The following WDR7 variants were observed in gnomAD, a reference collection of about 807,000 sequenced individuals.
The protein encoded by WDR7 is WD repeat-containing protein 7.
In WDR7, 46 loss-of-function variants were observed where a neutral mutation model predicts 169.4. The ratio of observed to expected loss-of-function variants is 0.27; its 90% confidence interval spans 0.21 to 0.35. The LOEUF (loss-of-function observed/expected upper bound fraction) is 0.35. Ranked by LOEUF, WDR7 falls within the 10% of genes least tolerant of loss-of-function variation. The pLI, the probability that WDR7 is intolerant of heterozygous loss-of-function variation, is 1.00. For missense variants in WDR7, 1,534 were observed against 1,859.3 expected, an observed-to-expected ratio of 0.83 and a Z score of 3.22; for synonymous variants, 612 against 666.8, an observed-to-expected ratio of 0.92 and a Z score of 1.27.
At chr18:56,974,846 C>A (rs926134852) in intron 26 of WDR7, among the ~76,000 whole-genome samples, 1 of 152,094 alleles carries the variant, frequency 6.6e-6, no homozygotes, top group African/African-American at 2.4e-5. Context: ...CAAATAAGTA[C>A]AATAAAGCTT....
At chr18:56,792,628 T>G (rs1157374113) in intron 19 of WDR7, among the ~76,000 whole-genome samples, 3 of 149,294 alleles carry the variant, frequency 2.0e-5, no homozygotes, top group African/African-American at 7.5e-5. Context: ...TTTTTTTTTT[T>G]GAAAAATGTT....
chr18:56,694,345 T>C (rs1416318525), intron 9 of WDR7, among the ~76,000 whole-genome samples: 1 of 152,168 alleles, frequency 6.6e-6, no homozygotes, highest in Non-Finnish European at 1.5e-5. Context: ...TATAAAGTGG[T>C]GAAAAGTAGC....
In WDR7 at chr18:56,782,836, TTTTCTTAAGC is replaced by T. The variant is rs575205351; in HGVS notation, c.3190+1188_3190+1197del. Among the ~76,000 whole-genome samples, 413 of 152,304 alleles carry T rather than the reference TTTTCTTAAGC, an allele frequency of 2.7e-3. 1 individual carries two copies. The highest frequency in any genetic ancestry group is 9.4e-3 in the African/African-American group (391 of 41,576). ...TAATCAAGCATGTGACCTTGGGCAC[TTTTCTTAAGC>T]TTTCTTAGTCTCAGTTTTATCGCAG... On this transcript the variant is annotated intron_variant, in intron 19 of 27. Transcript: ENST00000254442.
At chr18:56,828,326 A>G (rs2045247121) in intron 20 of WDR7, among the ~76,000 whole-genome samples, 2 of 152,200 alleles carry the variant, frequency 1.3e-5, no homozygotes, top group African/African-American at 2.4e-5. Flanking sequence ...TTATTTGACG[A>G]AACAGACATA....
intron 19 of WDR7, among the ~76,000 whole-genome samples, chr18:56,799,400 G>A (rs1402340330): frequency 6.7e-6 from 1 of 149,634 alleles, no homozygotes; most frequent in African/African-American, 2.5e-5. Flanking sequence ...CATATTTGTG[G>A]CTTTTATATC....
intron 7 of WDR7, among the ~76,000 whole-genome samples, chr18:56,690,037 T>G (rs2025531119): frequency 6.6e-6 from 1 of 152,186 alleles, no homozygotes; most frequent in Non-Finnish European, 1.5e-5. Flanking sequence ...TCTGATCTAT[T>G]GAGGAATGAG....
chr18:56,726,873 A>G (rs12605132), intron 13 of WDR7, among the ~76,000 whole-genome samples: 13,590 of 152,056 alleles, frequency 0.089, 1,073 homozygotes, highest in East Asian at 0.38. Flanking sequence ...AGTCCTGGGT[A>G]CTGTACCCTG....
At chr18:56,779,075 A>G (rs1035784248) in intron 17 of WDR7, among the ~76,000 whole-genome samples, 56 of 152,192 alleles carry the variant, frequency 3.7e-4, no homozygotes, top group African/African-American at 1.4e-3. Context: ...TTTCAAATCT[A>G]TAGCTCTAGT....
chr18:56,651,997 G>A (rs1363052296), intron 1 of WDR7, among the ~76,000 whole-genome samples: 2 of 152,166 alleles, frequency 1.3e-5, no homozygotes, highest in African/African-American at 2.4e-5. Flanking sequence ...CCATGCCCAA[G>A]GTACTGACAC....
At chr18:56,848,870 A>C (rs544088450) in intron 20 of WDR7, among the ~76,000 whole-genome samples, 1 of 152,292 alleles carries the variant, frequency 6.6e-6, no homozygotes, top group Non-Finnish European at 1.5e-5. Context: ...TACAGCTTGC[A>C]ATACTGTGAG....
chr18:56,962,361 C>A, intron 25 of WDR7, 69 bp from the exon 26 acceptor site: 1 of 1,232,462 alleles, frequency 8.1e-7, no homozygotes. Flanking sequence ...TGTTGCTGTC[C>A]ACTTCCAAGT....
chr18:57,020,552 G>A (rs956918474), intron 26 of WDR7, among the ~76,000 whole-genome samples, 193 bp from the exon 27 acceptor site: 2 of 152,194 alleles, frequency 1.3e-5, no homozygotes, highest in Non-Finnish European at 2.9e-5. Context: ...CAAGATTGAA[G>A]CCCTTGGAGA....
chr18:56,714,985 A>G (rs939910688), intron 12 of WDR7, among the ~76,000 whole-genome samples: 2 of 152,076 alleles, frequency 1.3e-5, no homozygotes, highest in African/African-American at 2.4e-5. Flanking sequence ...TTTTTACTAC[A>G]TGAGAGTAAT....
intron 16 of WDR7, among the ~76,000 whole-genome samples, chr18:56,776,554 T>C (rs2044245098): frequency 1.3e-5 from 2 of 152,226 alleles, no homozygotes; most frequent in South Asian, 4.1e-4. Context: ...TATTAGATTT[T>C]GACTCTAAGA....
intron 2 of WDR7, among the ~76,000 whole-genome samples, chr18:56,673,867 C>G (rs1407064324): frequency 6.6e-6 from 1 of 151,764 alleles, no homozygotes; most frequent in African/African-American, 2.4e-5. Context: ...CTCCCTAGAC[C>G]ACCACTAATC....
In WDR7 at chr18:56,880,148, C is replaced by T; in HGVS notation, c.3509C>T (p.Ser1170Leu). 2.5e-6 allele frequency: 4 copies of T among 1,613,832 alleles called. No individual in the cohort carries two copies. Among genetic ancestry groups the T allele is most frequent in the Non-Finnish European group, 2.5e-6 (3 of 1,179,894 alleles). ...TTGACTAGTGGTGGATCCAACTACT[C>T]GCTGGCCAGACATACTTGTAAGTTT... is the stretch of plus-strand genomic sequence containing the variant. Reference protein sequence around the residue: ...FGLTSGGSNYSLARHTCKALT... With the variant: ...FGLTSGGSNYLLARHTCKALT... Residue 1170 changes from serine (S) to leucine (L), a missense_variant, in exon 21 of 28, where the codon TCG becomes TTG. Coordinates refer to ENST00000254442, the MANE Select transcript of WDR7 (RefSeq NM_015285.3).
intron 20 of WDR7, among the ~76,000 whole-genome samples, chr18:56,862,842 T>C (rs1568236375): frequency 6.6e-6 from 1 of 151,898 alleles, no homozygotes; most frequent in Non-Finnish European, 1.5e-5. Context: ...TTTACCTGCC[T>C]TCCAATTGAT....
At chr18:56,960,875 C>A (rs562628624) in intron 25 of WDR7, among the ~76,000 whole-genome samples, 1 of 152,062 alleles carries the variant, frequency 6.6e-6, no homozygotes, top group African/African-American at 2.4e-5. Flanking sequence ...CTTTCTATAT[C>A]CTTCCTTCTC....
chr18:56,663,268 T>C (rs919386776), intron 1 of WDR7, among the ~76,000 whole-genome samples: 1 of 152,218 alleles, frequency 6.6e-6, no homozygotes, highest in Non-Finnish European at 1.5e-5. Flanking sequence ...GGACATACCA[T>C]TCAGTCCATA....
Sources: gnomAD v4.1 joint callset for allele counts (sites outside exome capture counted in the v4.1 genomes callset) on GRCh38, gnomAD v4.1.1 for gene constraint, MANE v1.5 for transcripts, NCBI Gene and HGNC (gene_info 2026-07-23, HGNC 2026-07-21) for gene names.